The following PIM1 variants were observed in gnomAD, a reference collection of about 807,000 sequenced individuals.
PIM1 encodes the protein serine/threonine-protein kinase pim-1.
In PIM1, 9 loss-of-function variants were observed where a neutral mutation model predicts 34.5. The observed-to-expected ratio is 0.26, with a 90% CI of 0.16 to 0.46. The LOEUF (loss-of-function observed/expected upper bound fraction) is 0.46. Ranked by LOEUF, PIM1 falls within the 20% of genes least tolerant of loss-of-function variation. PIM1 has a pLI of 1.00. For synonymous variants in PIM1, 199 were observed against 175.2 expected (o/e 1.14, Z -1.07); for missense variants, 274 against 410.9 (o/e 0.67, Z 2.88).
intron 5 of PIM1, 127 bp downstream of exon 5, chr6:37,173,299 T>C: frequency 1.2e-6 from 1 of 825,198 alleles, no homozygotes; most frequent in Non-Finnish European, 1.9e-6. Flanking sequence ...TGGCTTAGAA[T>C]TGTAGGTGAG....
At position 37,170,279 on chromosome 6, in the gene PIM1, C is replaced by T; in HGVS notation, c.-297C>T. 1 of 1,388,566 alleles carries T rather than the reference C, an allele frequency of 7.2e-7. No homozygotes were observed. The highest frequency in any genetic ancestry group is 9.3e-7 in the Non-Finnish European group (1 of 1,071,898). 86.0% of individuals were successfully genotyped at this position (1,388,566 alleles called of 1,614,324 possible). A position where few individuals can be genotyped will look rare whatever the true frequency, so the allele number is the denominator to read the frequency against. On this transcript the variant is annotated 5_prime_UTR_variant, in exon 1 of 6. Transcript: ENST00000373509. ...GCAGCAGCAGCAGCAGCAGCAGCAA[C>T]CACTAGCCTCCTGCCCCGCGGCGCT...
At position 37,171,299 on chromosome 6, in the gene PIM1, C is replaced by T. The variant is rs1340576863; in HGVS notation, c.415C>T (p.Leu139=). ...CGACTTCATCACGGAAAGGGGAGCC[C>T]TGCAAGAGGAGCTGGCCCGCAGCTT... The part of the protein sequence containing the change: ...LFDFITERGA[L]QEELARSFFW... The change falls in exon 4 of 6, where the codon CTG becomes TTG. Residue 139 remains leucine (L), a synonymous_variant. Transcript: ENST00000373509. The T allele has an allele frequency of 1.2e-6, 2 of 1,614,168 alleles. No individual in the cohort carries two copies. The highest frequency in any genetic ancestry group is 1.7e-6 in the Non-Finnish European group (2 of 1,180,040).
rs572124688 is a variant in PIM1 at position 37,173,845 on chromosome 6, G to A, written c.785-89G>A. Reference sequence around the variant, plus strand: ...TTGGCCTCCCTGGGACCCCAGACTTGTGGGCCTCTGAGAAGCAAATGGGGA... The same window carrying A: ...TTGGCCTCCCTGGGACCCCAGACTTATGGGCCTCTGAGAAGCAAATGGGGA... On this transcript the variant is annotated intron_variant, in intron 5 of 5. Transcript: ENST00000373509. 6 of 1,263,184 alleles carry A rather than the reference G, an allele frequency of 4.7e-6. No homozygotes were observed. The South Asian group carries it at 8.5e-5, about 18-fold the overall frequency. The allele number at this position is 1,263,184 out of a possible 1,614,324, so 78.2% of individuals were successfully genotyped here.
intron 5 of PIM1, among the ~76,000 whole-genome samples, 184 bp from the exon 6 acceptor site, chr6:37,173,750 A>G (rs993356491): frequency 2.2e-4 from 34 of 152,202 alleles, no homozygotes; most frequent in African/African-American, 8.0e-4. Context: ...CTGAAAGCAG[A>G]CTGGAGGACC....
In PIM1 at chr6:37,172,992, A is replaced by C; in HGVS notation, c.608-4A>C. On this transcript the variant is annotated splice_region_variant and splice_polypyrimidine_tract_variant and intron_variant, in intron 4 of 5. Coordinates refer to ENST00000373509, the MANE Select transcript of PIM1 (RefSeq NM_002648.4). ...GTTTTCTCTTCTATTCCCTTGGCTC[A>C]CAGGGACCCGAGTGTATAGCCCTCC... The C allele has an allele frequency of 6.2e-7, 1 of 1,613,618 alleles. No homozygotes were observed. Among genetic ancestry groups the C allele is most frequent in the Non-Finnish European group, 8.5e-7 (1 of 1,179,826 alleles).
Position 37,174,452 on chromosome 6 carries a change from C to A in PIM1, c.*361C>A. 3.7e-6 allele frequency: 1 copy of A among 269,344 alleles called. No homozygotes were observed. Among genetic ancestry groups the A allele is most frequent in the Non-Finnish European group, 7.2e-6 (1 of 138,794 alleles). The allele number at this position is 269,344 out of a possible 1,614,324, so 16.7% of individuals were successfully genotyped here. ...AGTTCTGCTGAATGCCGCGATGGGT[C>A]AGGTAGGGGGGAAACAGGTTGGGAT... On this transcript the variant is annotated 3_prime_UTR_variant, in exon 6 of 6. Transcript: ENST00000373509.
chr6:37,175,029 CA>C lies in PIM1; in HGVS notation c.*940del, dbSNP rs1424099153. On this transcript the variant is annotated 3_prime_UTR_variant, in exon 6 of 6. Coordinates refer to ENST00000373509, the MANE Select transcript of PIM1 (RefSeq NM_002648.4). ...TATTTATTTGGTTCCCTTCCTATTC[CA>C]AGCTTCCATAGCTGCTGCCCTAGTT... is the stretch of plus-strand genomic sequence containing the variant. 1 of 233,396 alleles carries C rather than the reference CA, an allele frequency of 4.3e-6. No individual in the cohort carries two copies. Among genetic ancestry groups the C allele is most frequent in the African/African-American group, 2.2e-5 (1 of 45,304 alleles). 14.5% of individuals were successfully genotyped at this position (233,396 alleles called of 1,614,324 possible).
chr6:37,173,226 G>A, intron 5 of PIM1, 54 bp downstream of exon 5: 2 of 1,514,552 alleles, frequency 1.3e-6, no homozygotes, highest in Non-Finnish European at 1.8e-6. Context: ...GGGGCTATTA[G>A]TCTTCATGGG....
chr6:37,172,637 A>G lies in PIM1; in HGVS notation c.608-359A>G, dbSNP rs897529065. On this transcript the variant is annotated intron_variant, in intron 4 of 5. Transcript: ENST00000373509. The stretch of plus-strand genomic sequence containing the variant: ...GGTGAATGCAATTTAAGGATAGTCT[A>G]TGAGATACCTTTCTTGGTTGTGCAG... 11 of 476,910 alleles carry G rather than the reference A, an allele frequency of 2.3e-5. 1 individual carries two copies. Among genetic ancestry groups the G allele is most frequent in the African/African-American group, 1.6e-4 (8 of 50,936 alleles). The allele number at this position is 476,910 out of a possible 1,614,324, so 29.5% of individuals were successfully genotyped here. A position where few individuals can be genotyped will look rare whatever the true frequency, so the allele number is the denominator to read the frequency against.
rs766018880 is a variant in PIM1 at position 37,173,021 on chromosome 6, G to A, written c.633G>A (p.Glu211=). ...FDGTRVYSPP[E]WIRYHRYHGR... Reference sequence around the variant, plus strand: ...GGACCCGAGTGTATAGCCCTCCAGAGTGGATCCGCTACCATCGCTACCATG... The same window carrying A: ...GGACCCGAGTGTATAGCCCTCCAGAATGGATCCGCTACCATCGCTACCATG... The change falls in exon 5 of 6, where the codon GAG becomes GAA. Residue 211 remains glutamate (E), a synonymous_variant. Coordinates refer to ENST00000373509, the MANE Select transcript of PIM1 (RefSeq NM_002648.4). 1.2e-6 allele frequency: 2 copies of A among 1,614,122 alleles called. No homozygotes were observed. Among genetic ancestry groups the A allele is most frequent in the Admixed American group, 3.3e-5 (2 of 60,014 alleles).
At chr6:37,172,924 A>G (rs534854242) in intron 4 of PIM1, 72 bp from the exon 5 acceptor site, 1 of 1,288,408 alleles carries the variant, frequency 7.8e-7, no homozygotes, top group East Asian at 2.3e-5. Context: ...AAAGAGTTAT[A>G]TATACCACCC....
Position 37,170,331 on chromosome 6 carries a change from C to A in PIM1, c.-245C>A. On this transcript the variant is annotated 5_prime_UTR_variant, in exon 1 of 6. Transcript: ENST00000373509. ...CCGCACGAGCCCCACGAGCCGCTCA[C>A]CCCGCCGTTCTCAGCGCTGCCCGAC... 6.7e-7 allele frequency: 1 copy of A among 1,492,480 alleles called. No individual in the cohort carries two copies. Among genetic ancestry groups the A allele is most frequent in the Non-Finnish European group, 8.9e-7 (1 of 1,126,304 alleles). 92.5% of individuals were successfully genotyped at this position (1,492,480 alleles called of 1,614,324 possible).
chr6:37,173,954 T>C lies in PIM1; in HGVS notation c.805T>C (p.Trp269Arg). 6.2e-7 allele frequency: 1 copy of C among 1,612,804 alleles called. No homozygotes were observed. The highest frequency in any genetic ancestry group is 1.1e-5 in the South Asian group (1 of 90,946). ...TGCAGAATGTCAGCATCTCATTAGA[T>C]GGTGCTTGGCCCTGAGACCATCAGA... ...VSSECQHLIR[W>R]CLALRPSDRP... The change falls in exon 6 of 6, where the codon TGG becomes CGG. Residue 269 changes from tryptophan to arginine, a missense_variant. This residue lies in a region of PIM1 where 168 missense variants were observed against 299.4 expected (regional missense o/e 0.56). Transcript: ENST00000373509.
chr6:37,172,878 G>C, intron 4 of PIM1, 118 bp from the exon 5 acceptor site: 1 of 877,594 alleles, frequency 1.1e-6, no homozygotes, highest in Non-Finnish European at 1.8e-6. Context: ...AGTTCACCTA[G>C]CTCCTGAGAG....
At chr6:37,171,513 G>C (rs376195784) in intron 4 of PIM1, 22 bp downstream of exon 4, 5 of 1,610,642 alleles carry the variant, frequency 3.1e-6, no homozygotes, top group Admixed American at 1.7e-5. Context: ...CCGGGAGGGA[G>C]CTGCCCAGGT....
At position 37,171,241 on chromosome 6, in the gene PIM1, C is replaced by T; in HGVS notation, c.357C>T (p.Ile119=). The change falls in exon 4 of 6, where the codon ATC becomes ATT. Residue 119 remains isoleucine (I), a synonymous_variant. Coordinates refer to ENST00000373509, the MANE Select transcript of PIM1 (RefSeq NM_002648.4). The part of the protein sequence containing the change: ...WFERPDSFVL[I]LERPEPVQDL... ...AGAGGCCCGACAGTTTCGTCCTGAT[C>T]CTGGAGAGGCCCGAGCCGGTGCAAG... 1 of 1,614,000 alleles carries T rather than the reference C, an allele frequency of 6.2e-7. No homozygotes were observed. The highest frequency in any genetic ancestry group is 1.1e-5 in the South Asian group (1 of 91,084).
chr6:37,174,345 C>T lies in PIM1; in HGVS notation c.*254C>T, dbSNP rs1762366175. The T allele has an allele frequency of 4.4e-6, 1 of 226,042 alleles. No homozygotes were observed. Among genetic ancestry groups the T allele is most frequent in the Non-Finnish European group, 8.0e-6 (1 of 125,254 alleles). The allele number at this position is 226,042 out of a possible 1,614,324, so 14.0% of individuals were successfully genotyped here. A position where few individuals can be genotyped will look rare whatever the true frequency, so the allele number is the denominator to read the frequency against. On this transcript the variant is annotated 3_prime_UTR_variant, in exon 6 of 6. Coordinates refer to ENST00000373509, the MANE Select transcript of PIM1 (RefSeq NM_002648.4). ...CTCTCTTCTTCTCATAGGTGTCCAG[C>T]ATTGCTGGACTCTGAAATATCCCGG...
intron 4 of PIM1, 77 bp downstream of exon 4, chr6:37,171,568 C>T: frequency 7.2e-6 from 11 of 1,521,648 alleles, no homozygotes; most frequent in Non-Finnish European, 9.7e-6. Flanking sequence ...GGCCAGTCTC[C>T]CGCGCCAGCC....
At position 37,170,492 on chromosome 6, in the gene PIM1, C is replaced by G. The variant is rs1015826257; in HGVS notation, c.-84C>G. The G allele has an allele frequency of 7.5e-6, 12 of 1,590,506 alleles. No individual in the cohort carries two copies. Among genetic ancestry groups the G allele is most frequent in the African/African-American group, 1.3e-5 (1 of 74,328 alleles). Reference sequence around the variant, plus strand: ...CCACAGCCACAGCCACAGCCCCAGGCATAGCCTTCGGCACAGCCCCGGCTC... The same window carrying G: ...CCACAGCCACAGCCACAGCCCCAGGGATAGCCTTCGGCACAGCCCCGGCTC... On this transcript the variant is annotated 5_prime_UTR_variant, in exon 1 of 6. Coordinates refer to ENST00000373509, the MANE Select transcript of PIM1 (RefSeq NM_002648.4).
Sources: gnomAD v4.1 joint callset for allele counts (sites outside exome capture counted in the v4.1 genomes callset) on GRCh38, gnomAD v4.1.1 for gene constraint, gnomAD v4.1.1 regional missense constraint, MANE v1.5 for transcripts, NCBI Gene and HGNC (gene_info 2026-07-23, HGNC 2026-07-21) for gene names.